The following CFAP47 variants were observed in gnomAD, a reference collection of about 807,000 sequenced individuals.
The protein encoded by CFAP47 is cilia- and flagella-associated protein 47.
Under a neutral mutation model 148.1 loss-of-function variants are expected in CFAP47, and 29 were observed. The observed-to-expected ratio is 0.20, with a 90% confidence interval of 0.15 to 0.27. The LOEUF (loss-of-function observed/expected upper bound fraction) is 0.27. CFAP47 is among the 10% of genes least tolerant of loss of function. The probability of loss-of-function intolerance (pLI) is 1.00; values close to 1 mark genes in which losing one functional copy is unlikely to be tolerated. For missense variants in CFAP47, 1,872 were observed against 1,697.5 expected (o/e 1.10, Z -1.81); for synonymous variants, 664 against 577.3 (o/e 1.15, Z -2.15).
At chrX:36,057,336 G>A (rs1937562739) in intron 26 of CFAP47, among the ~76,000 whole-genome samples, 1 of 111,918 alleles carries the variant, frequency 8.9e-6, no homozygotes, top group South Asian at 3.7e-4. Context: ...TAGAGTGGTG[G>A]TTGTTAGAAT....
chrX:36,166,781 G>T (rs1939495541), intron 39 of CFAP47, among the ~76,000 whole-genome samples: 1 of 111,122 alleles, frequency 9.0e-6, no homozygotes, highest in African/African-American at 3.3e-5. Context: ...TTTACTGACT[G>T]GCTGGGTTAT....
intron 53 of CFAP47, among the ~76,000 whole-genome samples, chrX:36,303,430 C>T (rs946706106): frequency 1.2e-4 from 13 of 110,887 alleles, no homozygotes; most frequent in African/African-American, 3.9e-4. Flanking sequence ...AGTGACCCTC[C>T]AGACTCAGCT....
intron 40 of CFAP47, among the ~76,000 whole-genome samples, chrX:36,187,410 G>T (rs1490346753): frequency 1.8e-5 from 2 of 111,921 alleles, no homozygotes; most frequent in Non-Finnish European, 3.8e-5. Flanking sequence ...TTGAACTAGA[G>T]ATTACAAGGA....
rs1278433204 is a variant in CFAP47 at position 36,126,810 on chromosome X, C to G, written c.5321-11148C>G. 8.9e-5 allele frequency among the ~76,000 whole-genome samples: 10 copies of G among 112,346 alleles called. No homozygotes were observed. The South Asian group carries it at 3.3e-3, about 37-fold the overall frequency. Reference sequence around the variant, plus strand: ...CATTCTAACTGGCATGAGATGGTATCTCATTGTGGTTTTGACTTGCATTTC... The same window carrying G: ...CATTCTAACTGGCATGAGATGGTATGTCATTGTGGTTTTGACTTGCATTTC... On this transcript the variant is annotated intron_variant, in intron 33 of 63. Coordinates refer to ENST00000378653, the MANE Select transcript of CFAP47 (RefSeq NM_001304548.2).
chrX:36,027,142 T>TTATATATATGATTATATATATGTGATTA (rs1937228403), intron 22 of CFAP47, among the ~76,000 whole-genome samples: 1 of 103,643 alleles, frequency 9.6e-6, no homozygotes, highest in African/African-American at 3.5e-5. Flanking sequence ...ATATATATGA[T>TTATATATATGATTATATATATGTGATTA]TATATATATG....
intron 57 of CFAP47, among the ~76,000 whole-genome samples, chrX:36,336,609 A>T (rs1602114124): frequency 8.9e-6 from 1 of 111,744 alleles, no homozygotes; most frequent in South Asian, 3.7e-4. Context: ...TTCATCATTT[A>T]TATTTATATG....
chrX:36,188,442 T>A (rs191531435), intron 40 of CFAP47, among the ~76,000 whole-genome samples, 178 bp from the exon 41 acceptor site: 31 of 111,995 alleles, frequency 2.8e-4, no homozygotes, highest in African/African-American at 1.0e-3. Flanking sequence ...ATTTTTATGT[T>A]TTTTAATTTC....
intron 23 of CFAP47, among the ~76,000 whole-genome samples, chrX:36,033,981 A>AT (rs1387954993): frequency 3.6e-5 from 4 of 111,159 alleles, no homozygotes; most frequent in Non-Finnish European, 5.7e-5. Flanking sequence ...ACCATAGGGC[A>AT]TTTTTTTAAA....
chrX:35,962,724 T>C (rs1487709267), intron 8 of CFAP47, among the ~76,000 whole-genome samples: 5 of 111,011 alleles, frequency 4.5e-5, no homozygotes, highest in African/African-American at 1.3e-4. Flanking sequence ...GTGGGAAATA[T>C]GTAGATTATG....
At chrX:36,021,914 T>C (rs766988273) in intron 22 of CFAP47, 2 of 111,670 alleles carry the variant, frequency 1.8e-5, no homozygotes, top group Non-Finnish European at 3.8e-5. Flanking sequence ...CAGTATATCA[T>C]TGATGGGCAT....
At chrX:36,164,873 A>G (rs1461411532) in intron 39 of CFAP47, among the ~76,000 whole-genome samples, 1 of 111,682 alleles carries the variant, frequency 9.0e-6, no homozygotes, top group East Asian at 2.8e-4. Flanking sequence ...TTGGCACTAT[A>G]TTTTATAGTG....
intron 15 of CFAP47, among the ~76,000 whole-genome samples, chrX:35,984,669 A>T (rs891960874): frequency 2.7e-5 from 3 of 111,829 alleles, no homozygotes; most frequent in Non-Finnish European, 3.8e-5. Context: ...CTCATTAGTT[A>T]TAAAGAAATT....
At chrX:36,279,650 C>T (rs1941056128) in intron 49 of CFAP47, among the ~76,000 whole-genome samples, 1 of 111,821 alleles carries the variant, frequency 8.9e-6, no homozygotes, top group African/African-American at 3.2e-5. Flanking sequence ...TATAGGTCAA[C>T]TTTAGTATAA....
chrX:36,371,378 T>A (rs1469871932), intron 62 of CFAP47, among the ~76,000 whole-genome samples: 1 of 109,471 alleles, frequency 9.1e-6, no homozygotes, highest in Non-Finnish European at 1.9e-5. Flanking sequence ...TAATATAAGC[T>A]AATCATATTT....
At chrX:36,054,803 C>T (rs1280404363) in intron 26 of CFAP47, among the ~76,000 whole-genome samples, 4 of 110,513 alleles carry the variant, frequency 3.6e-5, no homozygotes, top group African/African-American at 1.3e-4. Flanking sequence ...GATGGAGTCT[C>T]GCTCTGTCAC....
At chrX:36,144,621 G>T (rs1256706764) in intron 35 of CFAP47, 1 of 1,028,107 alleles carries the variant, frequency 9.7e-7, no homozygotes, top group Non-Finnish European at 1.3e-6. Flanking sequence ...GAGAAAGGAA[G>T]ATATGCCCTC....
intron 21 of CFAP47, among the ~76,000 whole-genome samples, chrX:36,003,641 A>G (rs925370277): frequency 3.6e-5 from 4 of 110,801 alleles, no homozygotes; most frequent in Non-Finnish European, 5.7e-5. Flanking sequence ...AATAAGAGCC[A>G]TCTATGACAA....
At chrX:36,148,897 ATGTATG>A (rs1384827260) in intron 36 of CFAP47, among the ~76,000 whole-genome samples, 82 of 76,409 alleles carry the variant, frequency 1.1e-3, no homozygotes, top group African/African-American at 6.9e-3. Context: ...GCTAAACTGT[ATGTATG>A]TGTGTGTGTG....
chrX:36,145,163 A>G (rs910851883), intron 35 of CFAP47, 56 bp from the exon 36 acceptor site: 1 of 296,192 alleles, frequency 3.4e-6, no homozygotes, highest in African/African-American at 2.8e-5. Context: ...TTCTCTACCT[A>G]TGTAGAACTC....
Sources: allele counts gnomAD v4.1 joint callset (sites outside exome capture counted in the v4.1 genomes callset), GRCh38; gene constraint gnomAD v4.1.1; transcripts MANE v1.5; gene names NCBI Gene and HGNC (gene_info 2026-07-23, HGNC 2026-07-21).